Variants in SLC35F3 observed in about 807,000 individuals in gnomAD.
SLC35F3 encodes solute carrier family 35 member F3.
In SLC35F3, 25 loss-of-function variants were observed where a neutral mutation model predicts 49.9. The observed-to-expected ratio is 0.50, with a 90% CI of 0.37 to 0.70. The LOEUF (loss-of-function observed/expected upper bound fraction) is 0.70. SLC35F3 is among the 30% of genes least tolerant of loss of function. SLC35F3 has a pLI of 0.00. For synonymous variants in SLC35F3, 275 were observed against 265.4 expected, an observed-to-expected ratio of 1.04 and a Z score of -0.35; for missense variants, 525 against 639.8, an observed-to-expected ratio of 0.82 and a Z score of 1.94.
chr1:234,003,372 C>G (rs1014803297), intron 2 of SLC35F3, among the ~76,000 whole-genome samples: 1 of 152,072 alleles, frequency 6.6e-6, no homozygotes, highest in Admixed American at 6.6e-5. Flanking sequence ...TTATGTTTCA[C>G]TATCAGAGAC....
At chr1:234,275,763 A>AAATAT (rs1553260465) in intron 3 of SLC35F3, among the ~76,000 whole-genome samples, 111 of 135,520 alleles carry the variant, frequency 8.2e-4, no homozygotes, top group East Asian at 3.5e-3. Context: ...AAAAAAAAAA[A>AAATAT]ATATATATAT....
At chr1:233,963,197 T>G (rs936900486) in intron 2 of SLC35F3, among the ~76,000 whole-genome samples, 34 of 152,314 alleles carry the variant, frequency 2.2e-4, no homozygotes, top group African/African-American at 8.2e-4. Context: ...TGGGGGTGGG[T>G]ACTTCTGCCT....
intron 3 of SLC35F3, among the ~76,000 whole-genome samples, chr1:234,278,021 C>G (rs1265913201): frequency 6.6e-6 from 1 of 152,048 alleles, no homozygotes; most frequent in Non-Finnish European, 1.5e-5. Flanking sequence ...TGGTGAAACC[C>G]CATCTCTACA....
chr1:234,117,912 ATGTGTGTG>A (rs370186911), intron 2 of SLC35F3, among the ~76,000 whole-genome samples: 3,586 of 113,900 alleles, frequency 0.031, 163 homozygotes, highest in Middle Eastern at 0.091. Context: ...AAGACTATAT[ATGTGTGTG>A]TGTGTGTGTG....
intron 3 of SLC35F3, among the ~76,000 whole-genome samples, chr1:234,238,995 T>C (rs2102955549): frequency 6.6e-6 from 1 of 152,306 alleles, no homozygotes; most frequent in African/African-American, 2.4e-5. Flanking sequence ...ACGCTCATGT[T>C]TGTGTTTAAG....
chr1:234,271,981 C>T (rs1357330581), intron 3 of SLC35F3, among the ~76,000 whole-genome samples: 2 of 152,072 alleles, frequency 1.3e-5, no homozygotes, highest in East Asian at 3.9e-4. Context: ...CAAAAATTAG[C>T]CAGGCATGGT....
chr1:234,073,385 A>C (rs1184819409), intron 2 of SLC35F3, among the ~76,000 whole-genome samples: 1 of 152,134 alleles, frequency 6.6e-6, no homozygotes, highest in Non-Finnish European at 1.5e-5. Context: ...GGCTCAAGAG[A>C]TCCTCCTGCC....
At chr1:234,031,922 G>A (rs1664068510) in intron 2 of SLC35F3, among the ~76,000 whole-genome samples, 1 of 152,066 alleles carries the variant, frequency 6.6e-6, no homozygotes, top group Non-Finnish European at 1.5e-5. Context: ...ATGTATTATG[G>A]ACAAATACAT....
At position 234,076,552 on chromosome 1, in the gene SLC35F3, C is replaced by T. The variant is rs183141601; in HGVS notation, c.284-154865C>T. Among the ~76,000 whole-genome samples, 734 of 151,854 alleles carry T rather than the reference C, an allele frequency of 4.8e-3. 18 individuals carry two copies. The South Asian group carries it at 0.055, about 11-fold the overall frequency. On this transcript the variant is annotated intron_variant, in intron 2 of 7. Transcript: ENST00000366618. ...ACTTGGCTCACTGCAACCTCCACCT[C>T]CCAGGTTCAAGCAATTCTTCTGCCT...
At chr1:234,071,564 A>C (rs1255500743) in intron 2 of SLC35F3, among the ~76,000 whole-genome samples, 1 of 152,246 alleles carries the variant, frequency 6.6e-6, no homozygotes, top group African/African-American at 2.4e-5. Flanking sequence ...TGGGTTAAAC[A>C]GAAATTATCA....
intron 2 of SLC35F3, among the ~76,000 whole-genome samples, chr1:233,962,071 G>T (rs1039791492): frequency 2.0e-5 from 3 of 152,092 alleles, no homozygotes; most frequent in Non-Finnish European, 2.9e-5. Context: ...GATCATTGTA[G>T]CAACTTGATT....
At chr1:233,992,532 A>T (rs191500636) in intron 2 of SLC35F3, among the ~76,000 whole-genome samples, 1 of 152,186 alleles carries the variant, frequency 6.6e-6, no homozygotes, top group South Asian at 2.1e-4. Context: ...TCCCATGAGA[A>T]CTAATGCAGT....
intron 2 of SLC35F3, among the ~76,000 whole-genome samples, chr1:234,107,009 A>T (rs1665294195): frequency 6.6e-6 from 1 of 152,256 alleles, no homozygotes; most frequent in African/African-American, 2.4e-5. Context: ...AATGTTATGT[A>T]ACAACCAAAC....
intron 3 of SLC35F3, among the ~76,000 whole-genome samples, chr1:234,272,753 A>G (rs1196849629): frequency 1.3e-5 from 2 of 151,986 alleles, no homozygotes; most frequent in Non-Finnish European, 2.9e-5. Flanking sequence ...ACTCCCATAT[A>G]GACTTGCTTT....
chr1:233,950,047 A>G (rs914196202), intron 2 of SLC35F3, among the ~76,000 whole-genome samples: 5 of 152,128 alleles, frequency 3.3e-5, no homozygotes, highest in African/African-American at 1.2e-4. Flanking sequence ...TGTGGGCACC[A>G]GCACTTTTGG....
At chr1:234,007,934 G>T (rs1373688341) in intron 2 of SLC35F3, among the ~76,000 whole-genome samples, 1 of 152,114 alleles carries the variant, frequency 6.6e-6, no homozygotes, top group Non-Finnish European at 1.5e-5. Context: ...GTGATGGGTG[G>T]CATAGAGGAA....
intron 2 of SLC35F3, among the ~76,000 whole-genome samples, chr1:234,157,676 G>A (rs7533369): frequency 0.14 from 20,639 of 152,068 alleles, 4,434 homozygotes; most frequent in African/African-American, 0.46. Context: ...TATTCTCCTT[G>A]TACTCTGGGT....
In SLC35F3 at chr1:234,320,057, C is replaced by T. The variant is rs1657579850; in HGVS notation, c.1148-41C>T. The T allele has an allele frequency of 2.9e-6, 4 of 1,384,080 alleles. No homozygotes were observed. Among genetic ancestry groups the T allele is most frequent in the East Asian group, 4.6e-5 (2 of 43,808 alleles). The allele number at this position is 1,384,080 out of a possible 1,614,324, so 85.7% of individuals were successfully genotyped here. A position where few individuals can be genotyped will look rare whatever the true frequency, so the allele number is the denominator to read the frequency against. On this transcript the variant is annotated intron_variant, in intron 6 of 7. Coordinates refer to ENST00000366618, the MANE Select transcript of SLC35F3 (RefSeq NM_173508.4). The surrounding 1 kb of genome is among the most constrained non-coding windows in gnomAD (Gnocchi z 4.8). ...GCCAGCAGGGAGGTAAAGTACACAG[C>T]AGTCATGAATAACACTCGTTGTTTA...
At chr1:234,057,451 A>G (rs1664473222) in intron 2 of SLC35F3, among the ~76,000 whole-genome samples, 1 of 152,086 alleles carries the variant, frequency 6.6e-6, no homozygotes, top group Non-Finnish European at 1.5e-5. Context: ...TTTCATTTTC[A>G]GACTGGTCAT....
Sources: allele counts gnomAD v4.1 joint callset (sites outside exome capture counted in the v4.1 genomes callset), GRCh38; gene constraint gnomAD v4.1.1; non-coding constraint Gnocchi (gnomAD v3.1); transcripts MANE v1.5; gene names NCBI Gene and HGNC (gene_info 2026-07-23, HGNC 2026-07-21).